The following COL22A1 variants were observed in gnomAD, a reference collection of about 807,000 sequenced individuals.
COL22A1 encodes the protein collagen type XXII alpha 1 chain.
Under a neutral mutation model 248.9 loss-of-function variants are expected in COL22A1, and 221 were observed. The observed-to-expected ratio is 0.89, with a 90% CI of 0.80 to 0.99. COL22A1 has a LOEUF of 0.99. Among genes scored for constraint, COL22A1 ranks in the 50% least tolerant of loss-of-function variants. The probability of loss-of-function intolerance (pLI) is 0.00; values close to 1 mark genes in which losing one functional copy is unlikely to be tolerated. For synonymous variants in COL22A1, 891 were observed against 793.4 expected, an observed-to-expected ratio of 1.12 and a Z score of -2.07; for missense variants, 2,240 against 2,179.0, an observed-to-expected ratio of 1.03 and a Z score of -0.56.
chr8:138,685,450 C>A (rs1429396046), intron 37 of COL22A1, 138 bp from the exon 38 acceptor site: 1 of 719,242 alleles, frequency 1.4e-6, no homozygotes, highest in Admixed American at 2.7e-5. Flanking sequence ...TTCTGGGACA[C>A]AGAAAGATGG....
rs1441293498 is a variant in COL22A1, at chr8:138,715,930, C to T, written c.2464-195G>A. 3.3e-5 allele frequency among the ~76,000 whole-genome samples: 5 copies of T among 152,114 alleles called. No homozygotes were observed. In the East Asian group the frequency reaches 9.6e-4, roughly 29 times the overall value. On this transcript the variant is annotated intron_variant, in intron 29 of 64. Transcript: ENST00000303045. ...GGGAACTAGTCAGTTAGGCGTGAAG[C>T]ACCTCATTCTCCATTTGTCCCCTGA...
intron 41 of COL22A1, among the ~76,000 whole-genome samples, chr8:138,668,028 C>T (rs1324894514): frequency 6.6e-6 from 1 of 151,652 alleles, no homozygotes; most frequent in African/African-American, 2.4e-5. Context: ...AACATCCAAC[C>T]AATCGCTATA....
intron 32 of COL22A1, among the ~76,000 whole-genome samples, chr8:138,697,042 A>G (rs553019346): frequency 1.6e-4 from 24 of 152,306 alleles, no homozygotes; most frequent in African/African-American, 5.5e-4. Flanking sequence ...ACGGGACTGC[A>G]GTGGCAGGAA....
At chr8:138,714,203 G>T (rs1177043869) in intron 30 of COL22A1, among the ~76,000 whole-genome samples, 1 of 152,216 alleles carries the variant, frequency 6.6e-6, no homozygotes, top group African/African-American at 2.4e-5. Flanking sequence ...TGGCCATGCA[G>T]TCCCACCCGT....
At chr8:138,657,789 G>A (rs549423076) in intron 44 of COL22A1, among the ~76,000 whole-genome samples, 1 of 152,168 alleles carries the variant, frequency 6.6e-6, no homozygotes, top group South Asian at 2.1e-4. Context: ...CCCCATTCTC[G>A]GTGCATCCTC....
intron 56 of COL22A1, among the ~76,000 whole-genome samples, chr8:138,610,649 C>A (rs534767936): frequency 1.3e-5 from 2 of 152,208 alleles, no homozygotes; most frequent in Non-Finnish European, 2.9e-5. Context: ...CCTCTGGGGG[C>A]CTTGGGATTT....
At chr8:138,858,275 G>A (rs1822190588) in intron 3 of COL22A1, among the ~76,000 whole-genome samples, 1 of 152,212 alleles carries the variant, frequency 6.6e-6, no homozygotes. Context: ...GAGAGAAAGT[G>A]CACAGAGCAC....
chr8:138,602,327 C>T (rs557898513), intron 59 of COL22A1, among the ~76,000 whole-genome samples, 168 bp from the exon 60 acceptor site: 32 of 152,112 alleles, frequency 2.1e-4, no homozygotes, highest in Middle Eastern at 3.4e-3. Flanking sequence ...GGGGTGGGGG[C>T]GGCACACTGT....
intron 12 of COL22A1, among the ~76,000 whole-genome samples, chr8:138,781,806 G>C (rs142073550): frequency 2.6e-5 from 4 of 152,170 alleles, no homozygotes; most frequent in Admixed American, 2.0e-4. Context: ...CCAGCTCTCC[G>C]TCAGTGTCTG....
chr8:138,692,471 G>A (rs1172803697), intron 35 of COL22A1, among the ~76,000 whole-genome samples: 1 of 54,278 alleles, frequency 1.8e-5, no homozygotes, highest in Non-Finnish European at 4.5e-5. Context: ...GCATGTGTGT[G>A]TGTGTGTGTG....
chr8:138,663,677 T>C, intron 42 of COL22A1, 28 bp downstream of exon 42: 1 of 1,563,758 alleles, frequency 6.4e-7, no homozygotes, highest in South Asian at 1.1e-5. Flanking sequence ...CCATAGAAAC[T>C]CATCCCTTTA....
At chr8:138,843,070 G>A (rs1022021587) in intron 4 of COL22A1, among the ~76,000 whole-genome samples, 2 of 152,128 alleles carry the variant, frequency 1.3e-5, no homozygotes, top group Non-Finnish European at 2.9e-5. Flanking sequence ...CAGTAGAGCC[G>A]GGTGCTTCTA....
intron 25 of COL22A1, among the ~76,000 whole-genome samples, chr8:138,723,132 C>T (rs1830028787): frequency 6.6e-6 from 1 of 152,146 alleles, no homozygotes; most frequent in African/African-American, 2.4e-5. Context: ...TCATTTCCCC[C>T]AGCGGAATAT....
chr8:138,655,125 C>T (rs1823119107), intron 45 of COL22A1, among the ~76,000 whole-genome samples: 1 of 152,194 alleles, frequency 6.6e-6, no homozygotes, highest in Non-Finnish European at 1.5e-5. Context: ...CATTGACCCT[C>T]ACAGTATCTC....
At chr8:138,673,251 C>T (rs1228825725) in intron 41 of COL22A1, among the ~76,000 whole-genome samples, 1 of 149,836 alleles carries the variant, frequency 6.7e-6, no homozygotes, top group Non-Finnish European at 1.5e-5. Flanking sequence ...GGCTCTGCTG[C>T]CCAGGCTGGA....
chr8:138,610,335 A>G (rs1210112176), intron 56 of COL22A1, among the ~76,000 whole-genome samples: 1 of 152,218 alleles, frequency 6.6e-6, no homozygotes, highest in Non-Finnish European at 1.5e-5. Context: ...TTTTAGAGAA[A>G]GCAAAATGAC....
chr8:138,872,181 T>A (rs913194798), intron 3 of COL22A1, among the ~76,000 whole-genome samples: 2 of 152,136 alleles, frequency 1.3e-5, no homozygotes, highest in Non-Finnish European at 2.9e-5. Flanking sequence ...AGCCTCCCTC[T>A]ACTCCCACCC....
At chr8:138,755,320 G>C (rs1478728147) in intron 20 of COL22A1, 110 bp from the exon 21 acceptor site, 6 of 1,321,568 alleles carry the variant, frequency 4.5e-6, no homozygotes, top group Admixed American at 1.7e-5. Flanking sequence ...CCAAGTTCTC[G>C]ATAGGGAGTA....
rs182020478 is a variant in COL22A1 at position 138,647,237 on chromosome 8, A to C, written c.3448-555T>G. On this transcript the variant is annotated intron_variant, in intron 46 of 64. Coordinates refer to ENST00000303045, the MANE Select transcript of COL22A1 (RefSeq NM_152888.3). The stretch of plus-strand genomic sequence containing the variant: ...TCTCCATCAACAGCCACAAGAGTGA[A>C]CCTGGATGGAAGGGGATCTTCTACC... Among the ~76,000 whole-genome samples, 754 of 152,318 alleles carry C rather than the reference A, an allele frequency of 5.0e-3. 15 individuals carry two copies. The highest frequency in any genetic ancestry group is 0.028 in the Admixed American group (435 of 15,296).
Sources: allele counts gnomAD v4.1 joint callset (sites outside exome capture counted in the v4.1 genomes callset), GRCh38; gene constraint gnomAD v4.1.1; transcripts MANE v1.5; gene names NCBI Gene and HGNC (gene_info 2026-07-23, HGNC 2026-07-21).